The following HS3ST5 variants were observed in gnomAD, a reference collection of about 807,000 sequenced individuals.
The protein encoded by HS3ST5 is heparan sulfate glucosamine 3-O-sulfotransferase 5.
HS3ST5 carries 10 observed loss-of-function variants against 25.4 expected under a neutral mutation model. The ratio of observed to expected loss-of-function variants is 0.39; its 90% CI spans 0.24 to 0.67. The LOEUF (loss-of-function observed/expected upper bound fraction) is 0.67, where lower values mean the gene tolerates loss of function less well. Ranked by LOEUF, HS3ST5 falls within the 30% of genes least tolerant of loss-of-function variation. The probability of loss-of-function intolerance (pLI) is 0.44; values close to 1 mark genes in which losing one functional copy is unlikely to be tolerated. For missense variants in HS3ST5, 324 were observed against 420.7 expected (o/e 0.77, Z 2.01); for synonymous variants, 170 against 162.4 (o/e 1.05, Z -0.36).
chr6:114,090,784 C>G (rs893527433), intron 3 of HS3ST5, among the ~76,000 whole-genome samples: 1 of 152,130 alleles, frequency 6.6e-6, no homozygotes, highest in Non-Finnish European at 1.5e-5. Context: ...ATTAAATGAA[C>G]AAGAAGTAAA....
chr6:114,242,414 T>G (rs564827622), intron 1 of HS3ST5, among the ~76,000 whole-genome samples: 1 of 152,198 alleles, frequency 6.6e-6, no homozygotes, highest in Admixed American at 6.5e-5. Context: ...AAATGAATAA[T>G]GAGTAAATGA....
chr6:114,113,216 C>G (rs185820664), intron 3 of HS3ST5, among the ~76,000 whole-genome samples: 2 of 152,270 alleles, frequency 1.3e-5, no homozygotes, highest in Admixed American at 6.5e-5. Context: ...AATAACCTTT[C>G]TATCTTCACT....
intron 3 of HS3ST5, among the ~76,000 whole-genome samples, chr6:114,089,375 T>C (rs1418193332): frequency 6.6e-6 from 1 of 152,222 alleles, no homozygotes; most frequent in Non-Finnish European, 1.5e-5. Flanking sequence ...GGCATTTTTC[T>C]GTGCAGAAAA....
chr6:114,316,306 C>T (rs1775745138), intron 1 of HS3ST5, among the ~76,000 whole-genome samples: 1 of 152,176 alleles, frequency 6.6e-6, no homozygotes, highest in East Asian at 1.9e-4. Context: ...GGAAGTTACT[C>T]TTCCAACCAT....
At chr6:114,266,953 A>T (rs1773428348) in intron 1 of HS3ST5, among the ~76,000 whole-genome samples, 1 of 152,184 alleles carries the variant, frequency 6.6e-6, no homozygotes, top group Non-Finnish European at 1.5e-5. Context: ...TGTTGTTTTC[A>T]TGTCTGCAGA....
intron 1 of HS3ST5, among the ~76,000 whole-genome samples, chr6:114,303,714 G>C (rs1301862186): frequency 6.6e-6 from 1 of 151,964 alleles, no homozygotes; most frequent in African/African-American, 2.4e-5. Flanking sequence ...CTGCAAATTT[G>C]GATGTGCTTA....
At chr6:114,167,474 T>C (rs897631757) in intron 3 of HS3ST5, 3 of 152,198 alleles carry the variant, frequency 2.0e-5, no homozygotes, top group African/African-American at 4.8e-5. Flanking sequence ...ATGAGATGCA[T>C]AGTATTATTA....
chr6:114,065,147 G>A (rs1773375953), intron 3 of HS3ST5, among the ~76,000 whole-genome samples: 1 of 152,156 alleles, frequency 6.6e-6, no homozygotes, highest in South Asian at 2.1e-4. Flanking sequence ...TGTCCAGGTG[G>A]TATTTCAGGA....
In HS3ST5 at chr6:114,197,108, T is replaced by C. The variant is rs570057071; in HGVS notation, c.-144-28646A>G. 4.0e-5 allele frequency among the ~76,000 whole-genome samples: 6 copies of C among 149,046 alleles called. No individual in the cohort carries two copies. The South Asian group carries it at 1.3e-3, about 31-fold the overall frequency. The stretch of plus-strand genomic sequence containing the variant: ...GAGACCTCTCTATTCCATGGAACAG[T>C]GTTTTTTCTTTCTTTCTTTCTTTTT... On this transcript the variant is annotated intron_variant, in intron 2 of 4. Coordinates refer to ENST00000312719, the MANE Select transcript of HS3ST5 (RefSeq NM_153612.4).
chr6:114,267,813 C>T (rs770560430), intron 1 of HS3ST5, among the ~76,000 whole-genome samples: 1 of 152,104 alleles, frequency 6.6e-6, no homozygotes, highest in Admixed American at 6.6e-5. Context: ...TACTCTTTCT[C>T]GAATTCCGGG....
rs369975277 is a variant in HS3ST5 at position 114,058,073 on chromosome 6, G to A, written c.225C>T (p.Asn75=). The change falls in exon 5 of 5, where the codon AAC becomes AAT. Residue 75 remains asparagine (N), a synonymous_variant. Coordinates refer to ENST00000312719, the MANE Select transcript of HS3ST5 (RefSeq NM_153612.4). The part of the protein sequence containing the change: ...RGLLHEFRKG[N]ASKEQVRLHD... ...GGAGGCGAACCTGCTCCTTGGAAGC[G>A]TTGCCCTTCCGGAACTCGTGCAGCA... 3.3e-5 allele frequency: 53 copies of A among 1,614,024 alleles called. No individual in the cohort carries two copies. Among genetic ancestry groups the A allele is most frequent in the African/African-American group, 4.0e-5 (3 of 74,906 alleles).
chr6:114,311,229 G>A (rs1233146992), intron 1 of HS3ST5, among the ~76,000 whole-genome samples: 3 of 152,080 alleles, frequency 2.0e-5, no homozygotes, highest in Non-Finnish European at 4.4e-5. Flanking sequence ...AAAATCTGAT[G>A]CTATTCGACC....
At chr6:114,198,877 T>C (rs1780883496) in intron 2 of HS3ST5, among the ~76,000 whole-genome samples, 1 of 152,092 alleles carries the variant, frequency 6.6e-6, no homozygotes, top group African/African-American at 2.4e-5. Flanking sequence ...GTTTATGACA[T>C]ATACACACAC....
chr6:114,245,629 G>A (rs1772341423), intron 1 of HS3ST5, among the ~76,000 whole-genome samples: 1 of 152,128 alleles, frequency 6.6e-6, no homozygotes, highest in African/African-American at 2.4e-5. Context: ...AATTTCAACG[G>A]ACACTGTGGA....
At chr6:114,093,358 TGTGTGTGTGTG>T (rs1562194043) in intron 3 of HS3ST5, among the ~76,000 whole-genome samples, 2,110 of 69,058 alleles carry the variant, frequency 0.031, 59 homozygotes, top group African/African-American at 0.17. Context: ...TTTGTTTGTG[TGTGTGTGTGTG>T]TGTGTGTGTG....
intron 3 of HS3ST5, among the ~76,000 whole-genome samples, chr6:114,094,503 A>G (rs1310774038): frequency 1.3e-5 from 2 of 152,204 alleles, no homozygotes; most frequent in African/African-American, 4.8e-5. Flanking sequence ...ATGGGGGGTA[A>G]AGATCAGAAA....
intron 1 of HS3ST5, among the ~76,000 whole-genome samples, chr6:114,291,748 A>T (rs1774587456): frequency 6.6e-6 from 1 of 152,184 alleles, no homozygotes; most frequent in Non-Finnish European, 1.5e-5. Context: ...AGCATTTGTT[A>T]TCAGTTCCTT....
chr6:114,247,975 G>T (rs1772457240), intron 1 of HS3ST5, among the ~76,000 whole-genome samples: 1 of 151,790 alleles, frequency 6.6e-6, no homozygotes, highest in South Asian at 2.1e-4. Context: ...TGAGGCAGGT[G>T]GGTCACCTGA....
intron 3 of HS3ST5, among the ~76,000 whole-genome samples, chr6:114,143,412 GGA>G (rs1778003097): frequency 6.6e-6 from 1 of 152,120 alleles, no homozygotes; most frequent in Non-Finnish European, 1.5e-5. Flanking sequence ...TTCCTCTTCT[GGA>G]TTTGTGTTCT....
Sources: allele counts gnomAD v4.1 joint callset (sites outside exome capture counted in the v4.1 genomes callset), GRCh38; gene constraint gnomAD v4.1.1; transcripts MANE v1.5; gene names NCBI Gene and HGNC (gene_info 2026-07-23, HGNC 2026-07-21).